The following CDKL5 variants were observed in gnomAD, a reference collection of about 807,000 sequenced individuals.
CDKL5 encodes the protein cyclin-dependent kinase-like 5.
CDKL5 carries 8 observed loss-of-function variants against 61.7 expected under a neutral mutation model. The observed-to-expected ratio is 0.13, with a 90% CI of 0.08 to 0.23. The LOEUF (loss-of-function observed/expected upper bound fraction) is 0.23, where lower values mean the gene tolerates loss of function less well. Ranked by LOEUF, CDKL5 falls within the 10% of genes least tolerant of loss-of-function variation. The pLI is 1.00. For missense variants in CDKL5, 440 were observed against 734.5 expected, an observed-to-expected ratio of 0.60 and a Z score of 4.63; for synonymous variants, 275 against 272.3, an observed-to-expected ratio of 1.01 and a Z score of -0.10.
intron 1 of CDKL5, among the ~76,000 whole-genome samples, chrX:18,484,700 G>C (rs371276075): frequency 9.2e-6 from 1 of 109,241 alleles, no homozygotes; most frequent in East Asian, 2.9e-4. Context: ...TCTTTTTTTT[G>C]TTTGTTTTTG....
chrX:18,461,835 G>A (rs3819622), intron 1 of CDKL5, among the ~76,000 whole-genome samples: 2,521 of 111,967 alleles, frequency 0.023, 67 homozygotes, highest in East Asian at 0.18. Flanking sequence ...GTCTAATGGG[G>A]ATAGGAGGCA....
At chrX:18,482,795 A>C (rs1016375859) in intron 1 of CDKL5, among the ~76,000 whole-genome samples, 7 of 110,964 alleles carry the variant, frequency 6.3e-5, no homozygotes, top group Non-Finnish European at 5.7e-5. Flanking sequence ...ATGCAATTTC[A>C]GAAGTTGTTC....
chrX:18,541,109 T>C (rs549860853), intron 3 of CDKL5, among the ~76,000 whole-genome samples: 3 of 112,477 alleles, frequency 2.7e-5, no homozygotes, highest in Non-Finnish European at 5.6e-5. Context: ...GTTTTTTTGT[T>C]TTTTAGTTTT....
At chrX:18,615,044 A>T (rs1926675333) in intron 15 of CDKL5, among the ~76,000 whole-genome samples, 1 of 112,125 alleles carries the variant, frequency 8.9e-6, no homozygotes, top group Non-Finnish European at 1.9e-5. Context: ...ATGTACAGAA[A>T]CCTAAAAAGA....
intron 3 of CDKL5, among the ~76,000 whole-genome samples, chrX:18,538,871 G>A (rs1242414106): frequency 8.9e-6 from 1 of 111,832 alleles, no homozygotes; most frequent in East Asian, 2.8e-4. Context: ...TTCTTTTATT[G>A]GAAACTTGAT....
At chrX:18,454,923 C>T (rs1319038199) in intron 1 of CDKL5, among the ~76,000 whole-genome samples, 1 of 84,943 alleles carries the variant, frequency 1.2e-5, no homozygotes, top group East Asian at 3.8e-4. Flanking sequence ...GACCATGTCT[C>T]ACTCTGTCAC....
chrX:18,466,429 A>C (rs1365776736), intron 1 of CDKL5, among the ~76,000 whole-genome samples: 1 of 111,963 alleles, frequency 8.9e-6, no homozygotes, highest in East Asian at 2.8e-4. Flanking sequence ...CAAGGACTTA[A>C]AATATGAAAA....
chrX:18,610,804 C>T (rs1294005701), intron 14 of CDKL5, among the ~76,000 whole-genome samples: 1 of 112,303 alleles, frequency 8.9e-6, no homozygotes, highest in East Asian at 2.8e-4. Flanking sequence ...GGGCCAAGAG[C>T]AAGGCCTTGG....
intron 1 of CDKL5, among the ~76,000 whole-genome samples, chrX:18,474,629 T>C (rs1016758161): frequency 8.9e-6 from 1 of 112,285 alleles, no homozygotes; most frequent in Non-Finnish European, 1.9e-5. Context: ...GATTAAATTA[T>C]TGAAGTGACT....
intron 3 of CDKL5, among the ~76,000 whole-genome samples, chrX:18,552,172 A>G (rs1368935294): frequency 3.8e-5 from 4 of 103,993 alleles, no homozygotes; most frequent in Non-Finnish European, 5.9e-5. Flanking sequence ...TGGGAGGCGG[A>G]GGTTGCAGTG....
chrX:18,614,942 A>G (rs772355442), intron 15 of CDKL5, among the ~76,000 whole-genome samples: 14 of 112,775 alleles, frequency 1.2e-4, no homozygotes, highest in Non-Finnish European at 2.6e-4. Flanking sequence ...TCAGATCAAA[A>G]TTAAATCCAA....
Position 18,634,073 on chromosome X carries a change from C to G in CDKL5, c.*5316C>G. ...CCTTCATTTCCCACAAGGTTAAGCT[C>G]TCGAAACCCCATTTGATCCTTGGTT... is the stretch of plus-strand genomic sequence containing the variant. On this transcript the variant is annotated 3_prime_UTR_variant, in exon 18 of 18. Coordinates refer to ENST00000623535, the MANE Select transcript of CDKL5 (RefSeq NM_001323289.2). The G allele has an allele frequency of 2.7e-6, 2 of 754,160 alleles. 1 individual carries two copies. Among genetic ancestry groups the G allele is most frequent in the South Asian group, 1.3e-4 (2 of 14,824 alleles). 62.2% of individuals were successfully genotyped at this position (754,160 alleles called of 1,213,427 possible). A position where few individuals can be genotyped will look rare whatever the true frequency, so the allele number is the denominator to read the frequency against.
At chrX:18,562,065 A>G (rs1010288636) in intron 3 of CDKL5, among the ~76,000 whole-genome samples, 1 of 112,077 alleles carries the variant, frequency 8.9e-6, no homozygotes, top group African/African-American at 3.2e-5. Context: ...CCATGAATCA[A>G]CAAGAAAATA....
chrX:18,581,253 GAA>G (rs760686570), intron 6 of CDKL5, among the ~76,000 whole-genome samples: 244 of 111,783 alleles, frequency 2.2e-3, no homozygotes, highest in Non-Finnish European at 3.9e-3. Flanking sequence ...CCCAAGGAGA[GAA>G]TTCAACTGCA....
At position 18,635,786 on chromosome X, in the gene CDKL5, G is replaced by GT. The variant is rs1927369806; in HGVS notation, c.*7035dup. On this transcript the variant is annotated 3_prime_UTR_variant, in exon 18 of 18. Transcript: ENST00000623535. Reference sequence around the variant, plus strand: ...AGCAAAGATGCACAGCTTAATAAGGGTTTTTTGATTCTAGAGGAGAGGTGG... The same window carrying GT: ...AGCAAAGATGCACAGCTTAATAAGGGTTTTTTTGATTCTAGAGGAGAGGTGG... 5.5e-6 allele frequency: 1 copy of GT among 182,599 alleles called. No homozygotes were observed. Among genetic ancestry groups the GT allele is most frequent in the Non-Finnish European group, 8.5e-6 (1 of 118,226 alleles). 15.0% of individuals were successfully genotyped at this position (182,599 alleles called of 1,213,427 possible). A position where few individuals can be genotyped will look rare whatever the true frequency, so the allele number is the denominator to read the frequency against.
At chrX:18,499,832 T>C (rs1922320424) in intron 1 of CDKL5, among the ~76,000 whole-genome samples, 2 of 112,283 alleles carry the variant, frequency 1.8e-5, no homozygotes, top group Non-Finnish European at 3.8e-5. Flanking sequence ...CCATCTTTGA[T>C]TATGTACTGC....
At chrX:18,432,301 T>C (rs1449839995) in intron 1 of CDKL5, among the ~76,000 whole-genome samples, 1 of 109,279 alleles carries the variant, frequency 9.2e-6, no homozygotes, top group Non-Finnish European at 1.9e-5. Flanking sequence ...TTTCACCATG[T>C]TGGCCAGGCT....
downstream of CDKL5, chrX:18,640,972 G>C (rs1001788878): frequency 8.8e-6 from 1 of 113,010 alleles, no homozygotes; most frequent in South Asian, 3.6e-4. Context: ...GGCGCAGTTT[G>C]CGTATTGCAA....
chrX:18,532,008 G>T (rs1923666335), intron 3 of CDKL5, among the ~76,000 whole-genome samples: 1 of 112,074 alleles, frequency 8.9e-6, no homozygotes, highest in Admixed American at 9.4e-5. Context: ...GCCCGGCCAG[G>T]GTTTTTTCTT....
Sources: gnomAD v4.1 joint callset for allele counts (sites outside exome capture counted in the v4.1 genomes callset) on GRCh38, gnomAD v4.1.1 for gene constraint, MANE v1.5 for transcripts, NCBI Gene and HGNC (gene_info 2026-07-23, HGNC 2026-07-21) for gene names.